KRAS: variants seen among roughly 807,000 people sequenced by gnomAD.
KRAS encodes KRas proto-oncogene, GTPase.
A neutral mutation model predicts 21.0 loss-of-function variants in KRAS; 1 was observed. The observed-to-expected ratio is 0.05, with a 90% CI of 0.02 to 0.23. The LOEUF is 0.23. Ranked by LOEUF, KRAS falls within the 10% of genes least tolerant of loss-of-function variation. The pLI, the probability that KRAS is intolerant of heterozygous loss-of-function variation, is 1.00. For missense variants in KRAS, 107 were observed against 221.8 expected (o/e 0.48, Z 3.29); for synonymous variants, 67 against 72.5 (o/e 0.92, Z 0.39).
chr12:25,205,699 A>AGAT lies in KRAS; in HGVS notation c.*4093_*4095dup, dbSNP rs1264452157. Reference sequence around the variant, plus strand: ...TAGCTCTGTGGGGGTGTGGGGGGAGAGATGGGCCCTCAACATATCTGCAGA... The same window carrying AGAT: ...TAGCTCTGTGGGGGTGTGGGGGGAGAGATGATGGGCCCTCAACATATCTGCAGA... On this transcript the variant is annotated 3_prime_UTR_variant, in exon 5 of 5. Transcript: ENST00000311936. 1 of 221,792 alleles carries AGAT rather than the reference A, an allele frequency of 4.5e-6. No homozygotes were observed. Among genetic ancestry groups the AGAT allele is most frequent in the Non-Finnish European group, 8.9e-6 (1 of 112,082 alleles). The allele number at this position is 221,792 out of a possible 1,614,324, so 13.7% of individuals were successfully genotyped here. A position where few individuals can be genotyped will look rare whatever the true frequency, so the allele number is the denominator to read the frequency against.
intron 4 of KRAS, among the ~76,000 whole-genome samples, chr12:25,214,999 A>G (rs949316817): frequency 3.9e-5 from 6 of 151,914 alleles, no homozygotes; most frequent in Non-Finnish European, 8.8e-5. Context: ...AATATCCAAA[A>G]GAAAAAATAC....
chr12:25,221,181 C>T (rs768389496), intron 4 of KRAS, among the ~76,000 whole-genome samples: 1 of 151,542 alleles, frequency 6.6e-6, no homozygotes, highest in African/African-American at 2.4e-5. Flanking sequence ...TAAAGTTACC[C>T]AGAGAATTAG....
chr12:25,235,108 T>C (rs1261119120), intron 2 of KRAS: 1 of 409,426 alleles, frequency 2.4e-6, no homozygotes, highest in South Asian at 6.4e-5. Flanking sequence ...CTCTTCTCAA[T>C]ATAACTAGAA....
At chr12:25,222,288 TA>T (rs1431164463) in intron 4 of KRAS, among the ~76,000 whole-genome samples, 1 of 152,162 alleles carries the variant, frequency 6.6e-6, no homozygotes, top group Non-Finnish European at 1.5e-5. Context: ...TAAAATTTAT[TA>T]AAATTCCCAT....
chr12:25,230,286 T>C (rs949414929), intron 2 of KRAS, among the ~76,000 whole-genome samples: 1 of 152,218 alleles, frequency 6.6e-6, no homozygotes, highest in African/African-American at 2.4e-5. Flanking sequence ...TGGTAATATA[T>C]ACATCAAAAT....
chr12:25,238,041 T>C (rs1233339639), intron 2 of KRAS, among the ~76,000 whole-genome samples: 1 of 152,196 alleles, frequency 6.6e-6, no homozygotes. Context: ...TTAAAGAGCT[T>C]ATTTTCATGG....
chr12:25,217,003 A>G (rs1029520060), intron 4 of KRAS, among the ~76,000 whole-genome samples: 4 of 152,236 alleles, frequency 2.6e-5, no homozygotes, highest in African/African-American at 7.2e-5. Context: ...CTTAAAATTA[A>G]GAATAAATTA....
At position 25,206,293 on chromosome 12, in the gene KRAS, A is replaced by T. The variant is rs61764372; in HGVS notation, c.*3502T>A. The T allele has an allele frequency of 0.022, 4,502 of 208,276 alleles. 101 individuals are homozygous for T. Among genetic ancestry groups the T allele is most frequent in the South Asian group, 0.091 (479 of 5,282 alleles). The allele number at this position is 208,276 out of a possible 1,614,324, so 12.9% of individuals were successfully genotyped here. A position where few individuals can be genotyped will look rare whatever the true frequency, so the allele number is the denominator to read the frequency against. On this transcript the variant is annotated 3_prime_UTR_variant, in exon 5 of 5. Transcript: ENST00000311936. Reference sequence around the variant, plus strand: ...TGTGACTCAGTTAAATAGAGCCTAGAATGCCTACTTGGGAACATTCACTCA... The same window carrying T: ...TGTGACTCAGTTAAATAGAGCCTAGTATGCCTACTTGGGAACATTCACTCA...
chr12:25,226,870 G>C (rs534548440), intron 3 of KRAS, among the ~76,000 whole-genome samples: 1 of 152,238 alleles, frequency 6.6e-6, no homozygotes, highest in East Asian at 1.9e-4. Flanking sequence ...TTTTAAGACT[G>C]TTAAAGTGAC....
At chr12:25,223,869 C>T (rs1951357361) in intron 4 of KRAS, among the ~76,000 whole-genome samples, 1 of 151,990 alleles carries the variant, frequency 6.6e-6, no homozygotes, top group Admixed American at 6.6e-5. Context: ...TCTGGGCTCA[C>T]AGGTAAATGT....
intron 4 of KRAS, among the ~76,000 whole-genome samples, chr12:25,223,807 A>C (rs1003985328): frequency 3.3e-5 from 5 of 152,142 alleles, no homozygotes; most frequent in Non-Finnish European, 7.4e-5. Flanking sequence ...GTTGTTCAGC[A>C]ATTTTTTTTA....
rs1314645004 is a variant in KRAS at position 25,209,512 on chromosome 12, T to G, written c.*283A>C. On this transcript the variant is annotated 3_prime_UTR_variant, in exon 5 of 5. Transcript: ENST00000311936. ...AATTGGTAAGAAAAATAAGAAGTAA[T>G]CAACTGCATGCACCAAAAGCCCCAA... 1.5e-6 allele frequency: 2 copies of G among 1,311,890 alleles called. No homozygotes were observed. The highest frequency in any genetic ancestry group is 3.7e-5 in the Admixed American group (1 of 27,172). The allele number at this position is 1,311,890 out of a possible 1,614,324, so 81.3% of individuals were successfully genotyped here.
intron 2 of KRAS, among the ~76,000 whole-genome samples, chr12:25,228,576 G>A (rs1285447398): frequency 6.6e-6 from 1 of 152,048 alleles, no homozygotes; most frequent in Non-Finnish European, 1.5e-5. Flanking sequence ...TCAAAAAGAC[G>A]AAAAGTAGAC....
chr12:25,222,906 C>T (rs1951345610), intron 4 of KRAS, among the ~76,000 whole-genome samples: 1 of 152,126 alleles, frequency 6.6e-6, no homozygotes, highest in African/African-American at 2.4e-5. Context: ...TGGACAGCAA[C>T]AAAGTGGGAC....
intron 2 of KRAS, chr12:25,234,745 T>C (rs746895665): frequency 2.6e-5 from 5 of 191,510 alleles, no homozygotes; most frequent in Non-Finnish European, 4.4e-5. Context: ...AACATCAAGT[T>C]TGTCATTTTT....
chr12:25,239,938 G>C (rs1232110099), intron 2 of KRAS, among the ~76,000 whole-genome samples: 3 of 151,804 alleles, frequency 2.0e-5, no homozygotes, highest in Non-Finnish European at 4.4e-5. Context: ...GGGCAACAGA[G>C]CGAGACTCCA....
chr12:25,244,728 C>G (rs899154258), intron 2 of KRAS, among the ~76,000 whole-genome samples: 2 of 151,836 alleles, frequency 1.3e-5, no homozygotes, highest in Non-Finnish European at 1.5e-5. Context: ...AAAATGACAA[C>G]AAAGCAAAGG....
rs1276918476 is a variant in KRAS, at chr12:25,207,408, GGAGGCC to G, written c.*2381_*2386del. On this transcript the variant is annotated 3_prime_UTR_variant, in exon 5 of 5. Coordinates refer to ENST00000311936, the MANE Select transcript of KRAS (RefSeq NM_004985.5). ...ACACGCCTGTAATCCCAGCTACTCA[GGAGGCC>G]GAGGCACGAGAATCGCTTGAACCTG... 1 of 188,286 alleles carries G rather than the reference GGAGGCC, an allele frequency of 5.3e-6. No individual in the cohort carries two copies. Among genetic ancestry groups the G allele is most frequent in the African/African-American group, 2.3e-5 (1 of 42,794 alleles). The allele number at this position is 188,286 out of a possible 1,614,324, so 11.7% of individuals were successfully genotyped here.
chr12:25,205,578 A>C lies in KRAS; in HGVS notation c.*4217T>G, dbSNP rs1951127533. 9.1e-6 allele frequency: 2 copies of C among 218,938 alleles called. No homozygotes were observed. The highest frequency in any genetic ancestry group is 1.2e-4 in the Admixed American group (2 of 17,280). 13.6% of individuals were successfully genotyped at this position (218,938 alleles called of 1,614,324 possible). On this transcript the variant is annotated 3_prime_UTR_variant, in exon 5 of 5. Coordinates refer to ENST00000311936, the MANE Select transcript of KRAS (RefSeq NM_004985.5). ...TACATTAAGAAATAGTACTAGTAAG[A>C]AATTGGCACTCAAAGGAAAAATGCA...
Sources: gnomAD v4.1 joint callset for allele counts (sites outside exome capture counted in the v4.1 genomes callset) on GRCh38, gnomAD v4.1.1 for gene constraint, MANE v1.5 for transcripts, NCBI Gene and HGNC (gene_info 2026-07-23, HGNC 2026-07-21) for gene names.